SHISA6: variants seen among roughly 807,000 people sequenced by gnomAD.
The protein encoded by SHISA6 is shisa family member 6, also known as protein shisa-6.
Under a neutral mutation model 47.9 loss-of-function variants are expected in SHISA6, and 22 were observed. The ratio of observed to expected loss-of-function variants is 0.46; its 90% CI spans 0.33 to 0.66. The LOEUF is 0.66. SHISA6 is among the 30% of genes least tolerant of loss of function. The probability of loss-of-function intolerance (pLI) is 0.02; values close to 1 mark genes in which losing one functional copy is unlikely to be tolerated. For missense variants in SHISA6, 680 were observed against 764.6 expected (o/e 0.89, Z 1.30); for synonymous variants, 388 against 337.8 (o/e 1.15, Z -1.63).
intron 3 of SHISA6, among the ~76,000 whole-genome samples, chr17:11,440,323 T>C (rs1168612660): frequency 6.6e-6 from 1 of 152,182 alleles, no homozygotes; most frequent in African/African-American, 2.4e-5. Context: ...TTTTAGAGTT[T>C]CTTGGAGAGT....
intron 3 of SHISA6, among the ~76,000 whole-genome samples, chr17:11,515,424 G>C (rs976782706): frequency 1.3e-5 from 2 of 151,882 alleles, no homozygotes; most frequent in African/African-American, 2.4e-5. Context: ...CTGAATAGAG[G>C]AATTTCCTGT....
chr17:11,536,828 T>C (rs1487865373), intron 3 of SHISA6, among the ~76,000 whole-genome samples: 1 of 152,074 alleles, frequency 6.6e-6, no homozygotes, highest in East Asian at 1.9e-4. Flanking sequence ...TATTCCTGAG[T>C]TTTCCCTATT....
chr17:11,371,761 C>T (rs1912637744), intron 2 of SHISA6, among the ~76,000 whole-genome samples: 1 of 151,816 alleles, frequency 6.6e-6, no homozygotes, highest in East Asian at 1.9e-4. Flanking sequence ...GGCCCATGAG[C>T]CCACTTTATA....
chr17:11,446,165 G>C (rs1421183384), intron 3 of SHISA6, among the ~76,000 whole-genome samples: 1 of 152,146 alleles, frequency 6.6e-6, no homozygotes, highest in African/African-American at 2.4e-5. Flanking sequence ...CTTGAAAGAG[G>C]CACAAAAGTT....
intron 2 of SHISA6, among the ~76,000 whole-genome samples, chr17:11,285,753 G>T (rs1043343265): frequency 1.3e-5 from 2 of 152,106 alleles, no homozygotes; most frequent in African/African-American, 4.8e-5. Context: ...TGTGCACTTT[G>T]TAGAAGCTTG....
At chr17:11,395,070 C>A (rs146643015) in intron 3 of SHISA6, among the ~76,000 whole-genome samples, 1 of 138,520 alleles carries the variant, frequency 7.2e-6, no homozygotes, top group African/African-American at 2.7e-5. Context: ...GGCGCGATCT[C>A]GGCTCACTGC....
chr17:11,400,007 A>G (rs577285733), intron 3 of SHISA6, among the ~76,000 whole-genome samples: 37 of 152,296 alleles, frequency 2.4e-4, no homozygotes, highest in African/African-American at 8.9e-4. Flanking sequence ...TCATATTGCT[A>G]GATTACAGTT....
chr17:11,524,622 G>T (rs527708876), intron 3 of SHISA6, among the ~76,000 whole-genome samples: 1 of 151,360 alleles, frequency 6.6e-6, no homozygotes, highest in Non-Finnish European at 1.5e-5. Flanking sequence ...TCAGCCTCCC[G>T]AGGAGCTGGG....
chr17:11,320,666 A>G (rs922323006), intron 2 of SHISA6, among the ~76,000 whole-genome samples: 5 of 79,338 alleles, frequency 6.3e-5, no homozygotes, highest in Non-Finnish European at 1.7e-4. Flanking sequence ...CACCAAAAAA[A>G]AAAAGAGAGA....
chr17:11,556,448 A>C (rs1165782053), intron 5 of SHISA6, among the ~76,000 whole-genome samples: 2 of 152,132 alleles, frequency 1.3e-5, no homozygotes, highest in African/African-American at 4.8e-5. Context: ...TCTGGGCATC[A>C]ATGGGTTAAA....
At chr17:11,435,152 TC>T (rs1451545899) in intron 3 of SHISA6, among the ~76,000 whole-genome samples, 2 of 152,150 alleles carry the variant, frequency 1.3e-5, no homozygotes, top group Non-Finnish European at 2.9e-5. Flanking sequence ...TCTCTCTCTC[TC>T]TTTTTTAACC....
At chr17:11,535,747 C>T (rs2321841) in intron 3 of SHISA6, among the ~76,000 whole-genome samples, 148,151 of 152,312 alleles carry the variant, frequency 0.97, 72,087 homozygotes, top group East Asian at 1. Flanking sequence ...TTATTTTTTG[C>T]GTGACCTCCT....
intron 2 of SHISA6, among the ~76,000 whole-genome samples, chr17:11,293,378 C>T (rs994208714): frequency 6.6e-6 from 1 of 152,102 alleles, no homozygotes; most frequent in Non-Finnish European, 1.5e-5. Context: ...AGGACGACTA[C>T]TACATGTTAA....
intron 3 of SHISA6, among the ~76,000 whole-genome samples, chr17:11,429,641 A>T (rs1914696359): frequency 1.3e-5 from 2 of 149,874 alleles, no homozygotes; most frequent in Admixed American, 6.6e-5. Flanking sequence ...AAAAAAAAAA[A>T]TTAGCCAGGC....
intron 5 of SHISA6, among the ~76,000 whole-genome samples, chr17:11,557,224 TCTTA>T (rs1177472872): frequency 2.0e-5 from 3 of 152,218 alleles, no homozygotes; most frequent in African/African-American, 7.2e-5. Flanking sequence ...AGTCTGAGCA[TCTTA>T]CTTTATTCTA....
intron 1 of SHISA6, among the ~76,000 whole-genome samples, chr17:11,263,039 G>A (rs1908291478): frequency 6.6e-6 from 1 of 152,292 alleles, no homozygotes; most frequent in East Asian, 1.9e-4. Flanking sequence ...CATTCCACTG[G>A]CCAGCTGCTA....
At position 11,417,609 on chromosome 17, in the gene SHISA6, G is replaced by C. The variant is rs115968505; in HGVS notation, c.895+38100G>C. On this transcript the variant is annotated intron_variant, in intron 3 of 5. Coordinates refer to ENST00000441885, the MANE Select transcript of SHISA6 (RefSeq NM_207386.4). ...AGCTAAGATGCAGCCTTCTGATGCA[G>C]GCTTCTTCTCCTGAAAACAGCTCTG... is the stretch of plus-strand genomic sequence containing the variant. 4.3e-3 allele frequency among the ~76,000 whole-genome samples: 657 copies of C among 152,342 alleles called. 4 individuals are homozygous for C. Among genetic ancestry groups the C allele is most frequent in the African/African-American group, 0.015 (629 of 41,572 alleles).
intron 1 of SHISA6, among the ~76,000 whole-genome samples, chr17:11,257,164 GT>G (rs1402079645): frequency 6.6e-6 from 1 of 152,206 alleles, no homozygotes; most frequent in Non-Finnish European, 1.5e-5. Context: ...CAGCAGCTGT[GT>G]TTTTCAAGTG....
At chr17:11,472,264 A>G (rs887816695) in intron 3 of SHISA6, among the ~76,000 whole-genome samples, 4 of 152,034 alleles carry the variant, frequency 2.6e-5, no homozygotes, top group Admixed American at 2.0e-4. Flanking sequence ...TAGCACAATC[A>G]TAGCTTACCA....
Sources: allele counts gnomAD v4.1 joint callset (sites outside exome capture counted in the v4.1 genomes callset), GRCh38; gene constraint gnomAD v4.1.1; transcripts MANE v1.5; gene names NCBI Gene and HGNC (gene_info 2026-07-23, HGNC 2026-07-21).